The following CATSPERE variants were observed in gnomAD, a reference collection of about 807,000 sequenced individuals.
CATSPERE encodes the protein cation channel sperm-associated auxiliary subunit epsilon.
A neutral mutation model predicts 114.1 loss-of-function variants in CATSPERE; 93 were observed. That is an observed-to-expected ratio of 0.81 (90% CI 0.69 to 0.97). The LOEUF (loss-of-function observed/expected upper bound fraction) is 0.97. Ranked by LOEUF, CATSPERE falls within the 50% of genes least tolerant of loss-of-function variation. CATSPERE has a pLI of 0.00. For synonymous variants in CATSPERE, 341 were observed against 384.1 expected (o/e 0.89, Z 1.31); for missense variants, 1,058 against 1,131.6 (o/e 0.93, Z 0.93).
intron 1 of CATSPERE, among the ~76,000 whole-genome samples, chr1:244,463,662 AC>A (rs1370489308): frequency 4.7e-5 from 7 of 147,996 alleles, no homozygotes; most frequent in East Asian, 2.0e-4. Context: ...AAAAAAAAAA[AC>A]CAGGTAAAGA....
At chr1:244,502,306 C>T (rs1274574796) in intron 7 of CATSPERE, among the ~76,000 whole-genome samples, 1 of 152,098 alleles carries the variant, frequency 6.6e-6, no homozygotes, top group East Asian at 1.9e-4. Flanking sequence ...TGTATCCTTA[C>T]AGTTTTTTTC....
intron 6 of CATSPERE, among the ~76,000 whole-genome samples, chr1:244,495,996 C>T (rs998131169): frequency 6.6e-6 from 1 of 152,178 alleles, no homozygotes; most frequent in Admixed American, 6.5e-5. Flanking sequence ...AAACCTATTT[C>T]CATGACGTGA....
chr1:244,526,683 C>G (rs1273338614), intron 8 of CATSPERE, among the ~76,000 whole-genome samples: 2 of 147,060 alleles, frequency 1.4e-5, no homozygotes, highest in African/African-American at 5.1e-5. Context: ...GGTTCTCACT[C>G]TGTCACCCAG....
intron 18 of CATSPERE, among the ~76,000 whole-genome samples, 170 bp downstream of exon 18, chr1:244,605,964 T>C (rs570351012): frequency 5.0e-4 from 76 of 152,130 alleles, no homozygotes; most frequent in Non-Finnish European, 9.7e-4. Context: ...TTATGAAAAA[T>C]AGAAGTTGTC....
upstream of CATSPERE, among the ~76,000 whole-genome samples, chr1:244,460,410 C>A (rs976355840): frequency 2.6e-5 from 4 of 152,120 alleles, no homozygotes; most frequent in Admixed American, 6.5e-5. Flanking sequence ...TGTGGCCCCA[C>A]CCAGGAAGTG....
At chr1:244,475,392 C>G (rs1669156970) in intron 2 of CATSPERE, among the ~76,000 whole-genome samples, 1 of 151,610 alleles carries the variant, frequency 6.6e-6, no homozygotes, top group African/African-American at 2.4e-5. Context: ...TGCCACCATG[C>G]CTGGGCAATT....
rs1002774416 is a variant in CATSPERE, at chr1:244,633,293, C to A, written c.2649-2196C>A. Among the ~76,000 whole-genome samples the A allele has an allele frequency of 2.0e-5, 3 of 152,196 alleles. No homozygotes were observed. The highest frequency in any genetic ancestry group is 4.4e-5 in the Non-Finnish European group (3 of 68,040). On this transcript the variant is annotated intron_variant, in intron 20 of 21. Transcript: ENST00000366534. This position sits in a 1 kb window ranked among gnomAD's most constrained non-coding sequence, Gnocchi z 4.1. The stretch of plus-strand genomic sequence containing the variant: ...ATCCATTTGACAACACTACATCTAA[C>A]AACTTTTAAACCATAAAGTTCCAGT...
chr1:244,552,400 T>C lies in CATSPERE; in HGVS notation c.615T>C (p.Asp205=). The stretch of plus-strand genomic sequence containing the variant: ...GAGGAAACCAAGTTACTTTTCAGGA[T>C]TGCTTTATTGCAGATTTTCTTATTC... ...EIRGNQVTFQ[D]CFIADFLILL... The change falls in exon 9 of 22, where the codon GAT becomes GAC. Residue 205 remains aspartate (D), a synonymous_variant. Coordinates refer to ENST00000366534, the MANE Select transcript of CATSPERE (RefSeq NM_001130957.2). 1 of 1,614,196 alleles carries C rather than the reference T, an allele frequency of 6.2e-7. No individual in the cohort carries two copies. The highest frequency in any genetic ancestry group is 8.5e-7 in the Non-Finnish European group (1 of 1,180,026).
At chr1:244,624,406 C>T (rs77764645) in intron 20 of CATSPERE, among the ~76,000 whole-genome samples, 3,601 of 152,278 alleles carry the variant, frequency 0.024, 142 homozygotes, top group African/African-American at 0.082. Flanking sequence ...TCAATCCTCT[C>T]AAAGCTTACC....
rs780515154 is a variant in CATSPERE at position 244,490,485 on chromosome 1, T to C, written c.351+14T>C. 9 of 1,380,184 alleles carry C rather than the reference T, an allele frequency of 6.5e-6. No homozygotes were observed. In the South Asian group the frequency reaches 9.6e-5, roughly 15 times the overall value. 85.5% of individuals were successfully genotyped at this position (1,380,184 alleles called of 1,614,324 possible). The stretch of plus-strand genomic sequence containing the variant: ...AACTTTACCCAGGTAAAATATTTTT[T>C]AAATTTTGTATAGCCTTCATATATC... On this transcript the variant is annotated intron_variant, in intron 6 of 21. Coordinates refer to ENST00000366534, the MANE Select transcript of CATSPERE (RefSeq NM_001130957.2).
At chr1:244,603,843 A>G (rs1367176242) in intron 17 of CATSPERE, among the ~76,000 whole-genome samples, 2 of 152,088 alleles carry the variant, frequency 1.3e-5, no homozygotes, top group Non-Finnish European at 2.9e-5. Context: ...CCCCATCTCT[A>G]CAAAAGATTT....
intron 2 of CATSPERE, among the ~76,000 whole-genome samples, chr1:244,472,216 C>T (rs1022403347): frequency 2.0e-5 from 3 of 152,196 alleles, no homozygotes; most frequent in Non-Finnish European, 4.4e-5. Flanking sequence ...CCATCTCAGC[C>T]TCTGAAAGTG....
intron 7 of CATSPERE, among the ~76,000 whole-genome samples, chr1:244,501,944 A>G (rs938184287): frequency 8.5e-5 from 13 of 152,062 alleles, no homozygotes; most frequent in Admixed American, 7.9e-4. Flanking sequence ...CTGCTGTTCT[A>G]TGCATCTGTG....
intron 17 of CATSPERE, among the ~76,000 whole-genome samples, chr1:244,602,975 C>G (rs1669478825): frequency 1.3e-5 from 2 of 152,050 alleles, no homozygotes; most frequent in Admixed American, 1.3e-4. Context: ...TGGGCAGAGC[C>G]TTATTGCAGT....
chr1:244,557,546 T>C (rs1409409282), intron 9 of CATSPERE, among the ~76,000 whole-genome samples: 1 of 38,000 alleles, frequency 2.6e-5, no homozygotes, highest in South Asian at 7.5e-4. Context: ...TATATATATA[T>C]ATATATATAT....
At chr1:244,470,279 G>A (rs1316546011) in intron 2 of CATSPERE, among the ~76,000 whole-genome samples, 1 of 152,174 alleles carries the variant, frequency 6.6e-6, no homozygotes, top group Non-Finnish European at 1.5e-5. Flanking sequence ...TGTGATTCAT[G>A]TATCTTATTA....
chr1:244,500,818 G>A (rs887523513), intron 7 of CATSPERE, among the ~76,000 whole-genome samples: 5 of 152,118 alleles, frequency 3.3e-5, no homozygotes, highest in African/African-American at 1.2e-4. Context: ...GGATCGTCTT[G>A]GCTATTCAGG....
rs752562292 is a variant in CATSPERE, at chr1:244,610,278, G to T, written c.2442G>T (p.Met814Ile). The change falls in exon 19 of 22, where the codon ATG becomes ATT. Residue 814 changes from methionine (M) to isoleucine (I), a missense_variant. This residue lies in a region of CATSPERE where 787 missense variants were observed against 905.6 expected (regional missense o/e 0.87). Transcript: ENST00000366534. ...CLHEAQTWKS[M>I]IELNKHLPLE... ...ATGAAGCACAGACATGGAAGTCAAT[G>T]ATTGAACTTAACAAGCACCTCCCAC... is the stretch of plus-strand genomic sequence containing the variant. 4 of 1,613,182 alleles carry T rather than the reference G, an allele frequency of 2.5e-6. No individual in the cohort carries two copies. In the South Asian group the frequency reaches 3.3e-5, roughly 13 times the overall value.
At chr1:244,625,359 GTTTATTTA>G (rs74162778) in intron 20 of CATSPERE, among the ~76,000 whole-genome samples, 37 of 97,260 alleles carry the variant, frequency 3.8e-4, no homozygotes, top group Admixed American at 2.1e-3. Context: ...TTTTGGGGGG[GTTTATTTA>G]TTTATTTTTT....
Sources: gnomAD v4.1 joint callset for allele counts (sites outside exome capture counted in the v4.1 genomes callset) on GRCh38, gnomAD v4.1.1 for gene constraint, gnomAD v4.1.1 regional missense constraint, Gnocchi (gnomAD v3.1) non-coding constraint, MANE v1.5 for transcripts, NCBI Gene and HGNC (gene_info 2026-07-23, HGNC 2026-07-21) for gene names.